Variants in NDFIP1 observed in about 807,000 individuals in gnomAD.
The protein encoded by NDFIP1 is NEDD4 family-interacting protein 1.
Under a neutral mutation model 28.8 loss-of-function variants are expected in NDFIP1, and 7 were observed. The ratio of observed to expected loss-of-function variants is 0.24; its 90% CI spans 0.14 to 0.46. The LOEUF is 0.46. NDFIP1 is among the 20% of genes least tolerant of loss of function. The pLI, the probability that NDFIP1 is intolerant of heterozygous loss-of-function variation, is 0.99. For synonymous variants in NDFIP1, 92 were observed against 101.0 expected (o/e 0.91, Z 0.53); for missense variants, 194 against 269.1 (o/e 0.72, Z 1.95).
chr5:142,125,749 G>A (rs577937489), intron 1 of NDFIP1, among the ~76,000 whole-genome samples: 3 of 152,142 alleles, frequency 2.0e-5, no homozygotes, highest in Non-Finnish European at 2.9e-5. Context: ...TAGAGTTCCC[G>A]TTTCTCCACA....
rs563126302 is a variant in NDFIP1 at position 142,146,616 on chromosome 5, A to T, written c.*2+1940A>T. Among the ~76,000 whole-genome samples, 68 of 152,262 alleles carry T rather than the reference A, an allele frequency of 4.5e-4. No homozygotes were observed. The East Asian group carries it at 6.9e-3, about 16-fold the overall frequency. On this transcript the variant is annotated intron_variant, in intron 7 of 7. Transcript: ENST00000253814. ...AGGGGACAGATTTCTTTCTCTTTTT[A>T]AAAAAAGTCATCAATTCTGTAGGTG...
At chr5:142,131,935 C>T (rs1757232196) in intron 2 of NDFIP1, 40 bp downstream of exon 2, 2 of 1,470,190 alleles carry the variant, frequency 1.4e-6, no homozygotes, top group East Asian at 2.3e-5. Flanking sequence ...TCCTTAAAAA[C>T]ACTCTGTGCT....
At chr5:142,133,439 A>G (rs1307578576) in intron 3 of NDFIP1, among the ~76,000 whole-genome samples, 1 of 152,228 alleles carries the variant, frequency 6.6e-6, no homozygotes, top group Non-Finnish European at 1.5e-5. Flanking sequence ...AGATTATATT[A>G]TCTCCATTTT....
intron 5 of NDFIP1, chr5:142,138,188 A>G (rs1757294084): frequency 1.2e-5 from 2 of 164,896 alleles, no homozygotes; most frequent in South Asian, 1.7e-4. Flanking sequence ...CCCCTTTGAT[A>G]TCTCATCAAA....
At chr5:142,123,320 G>A (rs1338424909) in intron 1 of NDFIP1, among the ~76,000 whole-genome samples, 1 of 151,982 alleles carries the variant, frequency 6.6e-6, no homozygotes, top group African/African-American at 2.4e-5. Flanking sequence ...TTTTTTAAGA[G>A]GCAGGGTCTT....
chr5:142,144,281 T>C (rs557111106), intron 6 of NDFIP1: 85 of 194,408 alleles, frequency 4.4e-4, no homozygotes, highest in Non-Finnish European at 8.3e-4. Context: ...TGTTTCTCAA[T>C]GAGGCTTTCA....
chr5:142,141,854 G>C (rs1327555344), intron 6 of NDFIP1, among the ~76,000 whole-genome samples: 1 of 152,184 alleles, frequency 6.6e-6, no homozygotes, highest in Admixed American at 6.5e-5. Flanking sequence ...ACCTGGGCCA[G>C]GCATGGTGGC....
chr5:142,142,940 A>AATATATATATATAT (rs1554092157), intron 6 of NDFIP1: 74 of 38,076 alleles, frequency 1.9e-3, no homozygotes, highest in Admixed American at 2.4e-3. Flanking sequence ...AAAAAAAAAA[A>AATATATATATATAT]ATATATATAT....
At chr5:142,127,791 A>C (rs1757185458) in intron 1 of NDFIP1, among the ~76,000 whole-genome samples, 1 of 152,076 alleles carries the variant, frequency 6.6e-6, no homozygotes, top group Admixed American at 6.5e-5. Flanking sequence ...CCCCATCTCT[A>C]CTAAAAATAC....
At chr5:142,147,387 T>A (rs1410612415) in intron 7 of NDFIP1, among the ~76,000 whole-genome samples, 14 of 152,334 alleles carry the variant, frequency 9.2e-5, no homozygotes. Flanking sequence ...TTAGAAGACA[T>A]ACTAGAAAAC....
intron 7 of NDFIP1, among the ~76,000 whole-genome samples, chr5:142,149,963 C>T (rs528811093): frequency 6.6e-6 from 1 of 152,242 alleles, no homozygotes; most frequent in East Asian, 1.9e-4. Flanking sequence ...GGGCAGATCA[C>T]GAGGTCAGGA....
At chr5:142,138,378 G>C (rs1561603226) in intron 5 of NDFIP1, among the ~76,000 whole-genome samples, 1 of 152,212 alleles carries the variant, frequency 6.6e-6, no homozygotes, top group Non-Finnish European at 1.5e-5. Flanking sequence ...GTAAATTACA[G>C]AGATGTATGT....
chr5:142,124,169 C>T (rs1305728060), intron 1 of NDFIP1, among the ~76,000 whole-genome samples: 2 of 152,020 alleles, frequency 1.3e-5, no homozygotes, highest in Admixed American at 1.3e-4. Context: ...TTGGTGGAGC[C>T]ATCAGTACTA....
At chr5:142,149,434 CTTTTTTTTTTTT>C (rs10684292) in intron 7 of NDFIP1, among the ~76,000 whole-genome samples, 1 of 114,712 alleles carries the variant, frequency 8.7e-6, no homozygotes, top group Non-Finnish European at 1.7e-5. Flanking sequence ...TATTGGATTC[CTTTTTTTTTTTT>C]TTTTTTTTTA....
intron 1 of NDFIP1, among the ~76,000 whole-genome samples, chr5:142,112,901 A>G (rs1757029853): frequency 6.6e-6 from 1 of 152,034 alleles, no homozygotes; most frequent in African/African-American, 2.4e-5. Flanking sequence ...ACTATTTTAG[A>G]AAGACCTAAG....
intron 4 of NDFIP1, among the ~76,000 whole-genome samples, chr5:142,136,583 C>T (rs568501505): frequency 7.0e-4 from 106 of 151,398 alleles, no homozygotes; most frequent in African/African-American, 2.5e-3. Flanking sequence ...GGTGAAACCC[C>T]ATCTCTACTA....
intron 1 of NDFIP1, among the ~76,000 whole-genome samples, chr5:142,109,933 G>C (rs1283839508): frequency 1.3e-5 from 2 of 152,198 alleles, no homozygotes; most frequent in Non-Finnish European, 2.9e-5. Flanking sequence ...GATGTTGATT[G>C]GAACCGCAAA....
chr5:142,111,189 A>G (rs1403958962), intron 1 of NDFIP1, among the ~76,000 whole-genome samples: 1 of 151,618 alleles, frequency 6.6e-6, no homozygotes, highest in Non-Finnish European at 1.5e-5. Context: ...GTTCTCAGAC[A>G]TGTGCATTCA....
Position 142,108,827 on chromosome 5 carries a change from G to T in NDFIP1, c.-148G>T. 3.4e-6 allele frequency: 2 copies of T among 591,040 alleles called. No homozygotes were observed. Among genetic ancestry groups the T allele is most frequent in the Non-Finnish European group, 5.2e-6 (2 of 385,824 alleles). The allele number at this position is 591,040 out of a possible 1,614,324, so 36.6% of individuals were successfully genotyped here. On this transcript the variant is annotated 5_prime_UTR_variant, in exon 1 of 8. Coordinates refer to ENST00000253814, the MANE Select transcript of NDFIP1 (RefSeq NM_030571.4). ...GGCGGCGGCGGTGCTTACAGCCTGA[G>T]AAGAGCGTCTCGCCCGGGAGCGGCG...
Sources: allele counts gnomAD v4.1 joint callset (sites outside exome capture counted in the v4.1 genomes callset), GRCh38; gene constraint gnomAD v4.1.1; transcripts MANE v1.5; gene names NCBI Gene and HGNC (gene_info 2026-07-23, HGNC 2026-07-21).